The following BCL6 variants were observed in gnomAD, a reference collection of about 807,000 sequenced individuals.
BCL6 encodes the protein B-cell lymphoma 6 protein.
Under a neutral mutation model 59.5 loss-of-function variants are expected in BCL6, and 7 were observed. The observed-to-expected ratio is 0.12, with a 90% CI of 0.07 to 0.22. The LOEUF (loss-of-function observed/expected upper bound fraction) is 0.22, where lower values mean the gene tolerates loss of function less well. BCL6 is among the 10% of genes least tolerant of loss of function. BCL6 has a pLI of 1.00. For synonymous variants in BCL6, 339 were observed against 349.7 expected, an observed-to-expected ratio of 0.97 and a Z score of 0.34; for missense variants, 685 against 939.4, an observed-to-expected ratio of 0.73 and a Z score of 3.54.
chr3:187,745,287 A>AT (rs1711896128), intron 1 of BCL6, 123 bp downstream of exon 1: 1 of 392,194 alleles, frequency 2.5e-6, no homozygotes, highest in Admixed American at 4.5e-5. Context: ...GCAAGAGCGG[A>AT]AAAAAAAAGA....
At chr3:187,726,644 A>T in intron 7 of BCL6, 87 bp downstream of exon 7, 2 of 1,538,654 alleles carry the variant, frequency 1.3e-6, no homozygotes, top group Non-Finnish European at 1.8e-6. Flanking sequence ...CCAGGTCTCC[A>T]GGCCCCACAC....
At chr3:187,744,617 T>C (rs561172355) in intron 1 of BCL6, among the ~76,000 whole-genome samples, 4 of 152,188 alleles carry the variant, frequency 2.6e-5, no homozygotes, top group Admixed American at 6.5e-5. Context: ...GCTTGCATTT[T>C]TTCCTTCCAA....
In BCL6 at chr3:187,725,515, C is replaced by A; in HGVS notation, c.1823G>T (p.Gly608Val). Reference sequence around the variant, plus strand: ...TCTGCTCACCTGTACAAATCTGGCTCCGCAGGTTTCGCATTTGTAGGGCTT... The same window carrying A: ...TCTGCTCACCTGTACAAATCTGGCTACGCAGGTTTCGCATTTGTAGGGCTT... The part of the protein sequence containing the change: ...GEKPYKCETC[G>V]ARFVQVAHLR... The change falls in exon 8 of 10, where the codon GGA becomes GTA. Residue 608 changes from glycine to valine, a missense_variant. This residue lies in a region of BCL6 where 42 missense variants were observed against 101.7 expected (regional missense o/e 0.41). Transcript: ENST00000406870. This position sits in a 1 kb window ranked among gnomAD's most constrained non-coding sequence, Gnocchi z 4.7. 6.2e-7 allele frequency: 1 copy of A among 1,614,122 alleles called. No homozygotes were observed. Among genetic ancestry groups the A allele is most frequent in the Non-Finnish European group, 8.5e-7 (1 of 1,180,050 alleles).
Position 187,729,990 on chromosome 3 carries a change from G to A in BCL6, c.415C>T (p.Pro139Ser), listed in dbSNP as rs758046316. 38 of 1,580,242 alleles carry A rather than the reference G, an allele frequency of 2.4e-5. No individual in the cohort carries two copies. The highest frequency in any genetic ancestry group is 3.6e-5 in the Admixed American group (2 of 55,252). The change falls in exon 5 of 10, where the codon CCT becomes TCT. Residue 139 changes from proline (P) to serine (S), a missense_variant. Around this residue, in one of 7 missense-constraint regions of BCL6, gnomAD observed 268 missense variants for 263.8 expected, o/e 1.02. Coordinates refer to ENST00000406870, the MANE Select transcript of BCL6 (RefSeq NM_001706.5). The surrounding 1 kb of genome is among the most constrained non-coding windows in gnomAD (Gnocchi z 5.6). ...EAEMVSAIKP[P>S]REEFLNSRML... is the part of the protein sequence containing the mutation. ...CGGCTGTTGAGGAACTCTTCACGAG[G>A]AGGCTTGATGGCAGAAACCATCTCT... is the stretch of plus-strand genomic sequence containing the variant.
rs758588143 is a variant in BCL6, at chr3:187,728,409, G to A, written c.1491C>T (p.Phe497=). 19 of 1,610,456 alleles carry A rather than the reference G, an allele frequency of 1.2e-5. No homozygotes were observed. The African/African-American group carries it at 2.4e-4, about 20-fold the overall frequency. The change falls in exon 6 of 10, where the codon TTC becomes TTT. Residue 497 remains phenylalanine, a synonymous_variant. Transcript: ENST00000406870. ...EMCLHTAGPT[F]PEEMGETQSE... is the part of the protein sequence containing the mutation. ...ACTGGGTCTCTCCCATCTCCTCAGG[G>A]AACGTGGGGCCAGCGGTGTGGAGGC...
chr3:187,744,401 A>G (rs932282141), intron 1 of BCL6, among the ~76,000 whole-genome samples: 1 of 148,920 alleles, frequency 6.7e-6, no homozygotes, highest in East Asian at 2.1e-4. Context: ...GAGGTTCCCG[A>G]CTCCCTCGAC....
intron 1 of BCL6, among the ~76,000 whole-genome samples, 197 bp downstream of exon 1, chr3:187,745,213 A>G (rs796982983): frequency 1.3e-5 from 2 of 152,212 alleles, no homozygotes; most frequent in East Asian, 1.9e-4. Context: ...TGACAGCTAG[A>G]ATAAATAAAT....
At chr3:187,740,434 C>T (rs1050643983) in intron 1 of BCL6, among the ~76,000 whole-genome samples, 1 of 152,178 alleles carries the variant, frequency 6.6e-6, no homozygotes, top group Non-Finnish European at 1.5e-5. Flanking sequence ...AAATCTTAGG[C>T]CATATTTTCT....
intron 9 of BCL6, 103 bp downstream of exon 9, chr3:187,724,838 A>G (rs1016639615): frequency 6.8e-7 from 1 of 1,465,722 alleles, no homozygotes; most frequent in Non-Finnish European, 9.2e-7. Context: ...GGGAGCAAAC[A>G]GTTCCACTGC....
intron 4 of BCL6, among the ~76,000 whole-genome samples, chr3:187,730,508 T>C (rs1007709030): frequency 3.3e-5 from 5 of 152,154 alleles, no homozygotes; most frequent in Admixed American, 6.5e-5. Context: ...CACAAACGAG[T>C]AGCCTACTGA....
rs1350754735 is a variant in BCL6, at chr3:187,729,493, CTCT to C, written c.909_911del (p.Glu304del). On this transcript the variant is annotated inframe_deletion, in exon 5 of 10. Transcript: ENST00000406870. The surrounding 1 kb of genome is among the most constrained non-coding windows in gnomAD (Gnocchi z 5.6). ...CAATCTCATCTTCCGAGGAGGGTCT[CTCT>C]TCTTCTTTGCTGGCCTTGTCACAAG... 2.5e-6 allele frequency: 4 copies of C among 1,613,422 alleles called. No homozygotes were observed. Among genetic ancestry groups the C allele is most frequent in the Admixed American group, 3.3e-5 (2 of 59,984 alleles).
At position 187,721,614 on chromosome 3, in the gene BCL6, C is replaced by T. The variant is rs544952399; in HGVS notation, c.*844G>A. The T allele has an allele frequency of 3.0e-5, 7 of 232,956 alleles. No homozygotes were observed. In the East Asian group the frequency reaches 4.2e-4, roughly 14 times the overall value. The allele number at this position is 232,956 out of a possible 1,614,324, so 14.4% of individuals were successfully genotyped here. ...ACGCTCGCCCATCATTGAAAACTTCCGTGAAAAAAGGCACCGTGAGGACAC... is the reference window on the plus strand; with the variant it reads ...ACGCTCGCCCATCATTGAAAACTTCTGTGAAAAAAGGCACCGTGAGGACAC... On this transcript the variant is annotated 3_prime_UTR_variant, in exon 10 of 10. Coordinates refer to ENST00000406870, the MANE Select transcript of BCL6 (RefSeq NM_001706.5). The surrounding 1 kb of genome is among the most constrained non-coding windows in gnomAD (Gnocchi z 4.2).
At chr3:187,728,705 A>G (rs6795621) in intron 5 of BCL6, among the ~76,000 whole-genome samples, 161 bp from the exon 6 acceptor site, 151,124 of 152,184 alleles carry the variant, frequency 0.99, 75,046 homozygotes, top group Middle Eastern at 1. Flanking sequence ...CAGTATCTGC[A>G]GAAAGATCAC....
At chr3:187,744,824 G>A (rs190071481) in intron 1 of BCL6, among the ~76,000 whole-genome samples, 4 of 152,150 alleles carry the variant, frequency 2.6e-5, no homozygotes, top group African/African-American at 7.2e-5. Flanking sequence ...AAGGAAAGCA[G>A]TTTGCAAGCG....
intron 1 of BCL6, among the ~76,000 whole-genome samples, chr3:187,745,074 A>C (rs766364952): frequency 6.6e-6 from 1 of 151,936 alleles, no homozygotes; most frequent in African/African-American, 2.4e-5. Flanking sequence ...AACACAAGGG[A>C]GGGTGGCAAA....
At chr3:187,744,681 G>C (rs1711807758) in intron 1 of BCL6, among the ~76,000 whole-genome samples, 4 of 152,280 alleles carry the variant, frequency 2.6e-5, no homozygotes, top group South Asian at 2.1e-4. Flanking sequence ...CGATGGAAGA[G>C]AGCCAGCGGG....
chr3:187,734,206 A>G (rs934742570), intron 2 of BCL6, among the ~76,000 whole-genome samples: 3 of 152,202 alleles, frequency 2.0e-5, no homozygotes, highest in African/African-American at 7.2e-5. Flanking sequence ...ATGCCCAGCT[A>G]ATTTTTTTGT....
At chr3:187,726,962 C>A (rs999795293) in intron 6 of BCL6, 64 bp from the exon 7 acceptor site, 83 of 1,564,880 alleles carry the variant, frequency 5.3e-5, no homozygotes, top group Non-Finnish European at 7.2e-5. Context: ...GCTCTAAGGC[C>A]GCTCTCCTCT....
chr3:187,731,810 C>T lies in BCL6; in HGVS notation c.282G>A (p.Arg94=), dbSNP rs571614067. Reference sequence around the variant, plus strand: ...TGATGTTGCCCTCCCGCAAATTGAGCCGAGATGTGTACATGAAGTCCAGGA... The same window carrying T: ...TGATGTTGCCCTCCCGCAAATTGAGTCGAGATGTGTACATGAAGTCCAGGA... ...CILLDFMYTS[R]LNLREGNIMA... The change falls in exon 4 of 10, where the codon CGG becomes CGA. Residue 94 remains arginine, a synonymous_variant. Coordinates refer to ENST00000406870, the MANE Select transcript of BCL6 (RefSeq NM_001706.5). 6.2e-7 allele frequency: 1 copy of T among 1,614,140 alleles called. No individual in the cohort carries two copies. Among genetic ancestry groups the T allele is most frequent in the Non-Finnish European group, 8.5e-7 (1 of 1,180,040 alleles).
Sources: allele counts gnomAD v4.1 joint callset (sites outside exome capture counted in the v4.1 genomes callset), GRCh38; gene constraint gnomAD v4.1.1; regional missense constraint gnomAD v4.1.1; non-coding constraint Gnocchi (gnomAD v3.1); transcripts MANE v1.5; gene names NCBI Gene and HGNC (gene_info 2026-07-23, HGNC 2026-07-21).